Variants in ARHGAP24 observed in about 807,000 individuals in gnomAD.
The protein encoded by ARHGAP24 is Rho GTPase activating protein 24, also known as rho GTPase-activating protein 24.
In ARHGAP24, 50 loss-of-function variants were observed where a neutral mutation model predicts 76.4. The ratio of observed to expected loss-of-function variants is 0.65; its 90% CI spans 0.52 to 0.83. The LOEUF (loss-of-function observed/expected upper bound fraction) is 0.83. Ranked by LOEUF, ARHGAP24 falls within the 40% of genes least tolerant of loss-of-function variation. The pLI, the probability that ARHGAP24 is intolerant of heterozygous loss-of-function variation, is 0.00. For missense variants in ARHGAP24, 930 were observed against 914.2 expected (o/e 1.02, Z -0.22); for synonymous variants, 345 against 323.3 (o/e 1.07, Z -0.72).
chr4:85,982,927 CT>C lies in ARHGAP24; in HGVS notation c.928+5238del, dbSNP rs199819994. On this transcript the variant is annotated intron_variant, in intron 8 of 9. Transcript: ENST00000395184. ...TTTCCTGATGTTTTCCCTTCCCCCC[CT>C]TCTCCCAACAAACACCAGTGTGTGT... is the stretch of plus-strand genomic sequence containing the variant. Among the ~76,000 whole-genome samples, 172 of 152,234 alleles carry C rather than the reference CT, an allele frequency of 1.1e-3. 4 individuals are homozygous for C. Among genetic ancestry groups the C allele is most frequent in the East Asian group, 9.1e-3 (47 of 5,168 alleles).
chr4:85,837,715 A>G (rs1730365081), intron 3 of ARHGAP24, among the ~76,000 whole-genome samples: 1 of 152,172 alleles, frequency 6.6e-6, no homozygotes, highest in South Asian at 2.1e-4. Context: ...CCACTCCCCT[A>G]AACTCCAGTG....
chr4:85,494,768 G>A (rs929650951), intron 1 of ARHGAP24, among the ~76,000 whole-genome samples: 8 of 151,916 alleles, frequency 5.3e-5, no homozygotes, highest in South Asian at 2.1e-4. Context: ...TTTCTGTAAC[G>A]GAATACAAGA....
intron 3 of ARHGAP24, among the ~76,000 whole-genome samples, chr4:85,867,894 TG>T (rs1732285282): frequency 4.8e-5 from 1 of 20,728 alleles, no homozygotes; most frequent in Admixed American, 1.0e-3. Flanking sequence ...AATGTGTGTG[TG>T]TACATATATA....
At chr4:85,516,855 T>C (rs906918127) in intron 1 of ARHGAP24, among the ~76,000 whole-genome samples, 2 of 152,210 alleles carry the variant, frequency 1.3e-5, no homozygotes, top group South Asian at 4.1e-4. Context: ...GTCATAGCTG[T>C]AAGGGCTTTC....
chr4:85,941,471 AT>A (rs977041198), intron 4 of ARHGAP24, among the ~76,000 whole-genome samples: 1 of 152,224 alleles, frequency 6.6e-6, no homozygotes, highest in African/African-American at 2.4e-5. Flanking sequence ...GTAAATTTCC[AT>A]TTTTCACTTT....
chr4:85,918,159 C>G (rs1009744870), intron 3 of ARHGAP24, among the ~76,000 whole-genome samples: 1 of 151,768 alleles, frequency 6.6e-6, no homozygotes, highest in East Asian at 1.9e-4. Context: ...TCTTAGCAAT[C>G]AGAGATAGTT....
chr4:85,886,563 A>T (rs1490755877), intron 3 of ARHGAP24, among the ~76,000 whole-genome samples: 1 of 152,166 alleles, frequency 6.6e-6, no homozygotes, highest in Non-Finnish European at 1.5e-5. Flanking sequence ...ACTTACGGAG[A>T]GAAAGGGAAT....
chr4:85,959,113 G>A (rs1738095522), intron 5 of ARHGAP24, among the ~76,000 whole-genome samples: 1 of 152,196 alleles, frequency 6.6e-6, no homozygotes, highest in Admixed American at 6.5e-5. Flanking sequence ...AGCCCCGACG[G>A]CTGCTGGTTG....
intron 2 of ARHGAP24, among the ~76,000 whole-genome samples, chr4:85,707,949 A>T (rs1871864): frequency 0.27 from 40,863 of 151,814 alleles, 5,867 homozygotes; most frequent in East Asian, 0.36. Context: ...TCCGATCTCC[A>T]CCTGCCTGTC....
chr4:85,497,659 T>TA (rs1180425757), intron 1 of ARHGAP24, among the ~76,000 whole-genome samples: 11 of 152,058 alleles, frequency 7.2e-5, no homozygotes, highest in Admixed American at 2.6e-4. Context: ...CTATTTCTAC[T>TA]AAAAATACAA....
At chr4:85,971,770 C>T (rs575554870) in intron 5 of ARHGAP24, among the ~76,000 whole-genome samples, 33 of 152,188 alleles carry the variant, frequency 2.2e-4, no homozygotes, top group Non-Finnish European at 3.1e-4. Context: ...ACCCCACCCA[C>T]GGACACATAC....
chr4:85,734,636 ATTTTTTTTT>A (rs34647342), intron 3 of ARHGAP24, among the ~76,000 whole-genome samples: 2 of 101,958 alleles, frequency 2.0e-5, no homozygotes, highest in East Asian at 2.8e-4. Context: ...AATTCAGGGA[ATTTTTTTTT>A]TTTTTTTTTT....
At chr4:85,821,253 A>C (rs1004947733) in intron 3 of ARHGAP24, among the ~76,000 whole-genome samples, 1 of 152,202 alleles carries the variant, frequency 6.6e-6, no homozygotes, top group African/African-American at 2.4e-5. Context: ...TTTAAATAGA[A>C]ACTTGTTTTC....
intron 1 of ARHGAP24, among the ~76,000 whole-genome samples, chr4:85,513,939 G>T (rs944716719): frequency 1.7e-4 from 26 of 152,066 alleles, no homozygotes; most frequent in African/African-American, 6.3e-4. Flanking sequence ...CATGACAGGG[G>T]TCCTAATATG....
intron 3 of ARHGAP24, among the ~76,000 whole-genome samples, chr4:85,916,467 G>A (rs1225578721): frequency 6.6e-6 from 1 of 152,038 alleles, no homozygotes; most frequent in Non-Finnish European, 1.5e-5. Flanking sequence ...CACATCTACA[G>A]AACTCTCCAT....
chr4:85,771,648 C>T (rs1025310794), intron 3 of ARHGAP24, among the ~76,000 whole-genome samples: 1 of 152,218 alleles, frequency 6.6e-6, no homozygotes, highest in Non-Finnish European at 1.5e-5. Context: ...TGAATGTCTT[C>T]TAAAAGAGAA....
intron 3 of ARHGAP24, among the ~76,000 whole-genome samples, chr4:85,736,318 A>C (rs1459995075): frequency 6.6e-6 from 1 of 152,172 alleles, no homozygotes; most frequent in Non-Finnish European, 1.5e-5. Flanking sequence ...TCTTATTTCC[A>C]GTGTGCAGCA....
chr4:85,658,887 G>C (rs188777022), intron 2 of ARHGAP24, among the ~76,000 whole-genome samples: 35 of 152,336 alleles, frequency 2.3e-4, no homozygotes, highest in African/African-American at 7.7e-4. Context: ...GTCAAGGTGA[G>C]AGCAGCAGAG....
At chr4:85,596,755 G>C (rs13129615) in intron 2 of ARHGAP24, among the ~76,000 whole-genome samples, 1 of 151,654 alleles carries the variant, frequency 6.6e-6, no homozygotes, top group African/African-American at 2.4e-5. Context: ...TTTTCCCTAG[G>C]TGTTCTAAAA....
Sources: allele counts gnomAD v4.1 joint callset (sites outside exome capture counted in the v4.1 genomes callset), GRCh38; gene constraint gnomAD v4.1.1; transcripts MANE v1.5; gene names NCBI Gene and HGNC (gene_info 2026-07-23, HGNC 2026-07-21).